Variants in COL25A1 observed in about 807,000 individuals in gnomAD.
COL25A1 encodes the protein collagen type XXV alpha 1 chain.
A neutral mutation model predicts 128.4 loss-of-function variants in COL25A1; 103 were observed. The ratio of observed to expected loss-of-function variants is 0.80; its 90% CI spans 0.68 to 0.94. The LOEUF (loss-of-function observed/expected upper bound fraction) is 0.94. Among genes scored for constraint, COL25A1 ranks in the 40% least tolerant of loss-of-function variants. The pLI is 0.00. For missense variants in COL25A1, 745 were observed against 840.0 expected, an observed-to-expected ratio of 0.89 and a Z score of 1.40; for synonymous variants, 279 against 277.2, an observed-to-expected ratio of 1.01 and a Z score of -0.06.
intron 3 of COL25A1, among the ~76,000 whole-genome samples, chr4:109,157,207 G>A (rs901741032): frequency 1.3e-5 from 2 of 151,934 alleles, no homozygotes; most frequent in African/African-American, 2.4e-5. Flanking sequence ...CAAATAAATT[G>A]AAATAAAAGT....
intron 3 of COL25A1, among the ~76,000 whole-genome samples, chr4:109,054,011 C>G (rs1199492152): frequency 6.6e-6 from 1 of 152,106 alleles, no homozygotes; most frequent in African/African-American, 2.4e-5. Context: ...TAATGGTCAC[C>G]ACTGACACAG....
chr4:108,892,870 C>A (rs1741676570), intron 16 of COL25A1, among the ~76,000 whole-genome samples: 2 of 152,098 alleles, frequency 1.3e-5, no homozygotes, highest in African/African-American at 4.8e-5. Context: ...TTACAGCGGA[C>A]TGAAGAATGA....
chr4:108,927,249 A>G (rs772211510), intron 11 of COL25A1, among the ~76,000 whole-genome samples: 20 of 152,142 alleles, frequency 1.3e-4, no homozygotes, highest in Non-Finnish European at 2.6e-4. Flanking sequence ...TCTTTAGCAC[A>G]TTTCAACTGG....
chr4:109,209,761 G>A (rs955216128), intron 3 of COL25A1, among the ~76,000 whole-genome samples: 1 of 151,982 alleles, frequency 6.6e-6, no homozygotes, highest in African/African-American at 2.4e-5. Flanking sequence ...GCTCTCAAGA[G>A]TAAACCTCAA....
intron 8 of COL25A1, among the ~76,000 whole-genome samples, chr4:108,953,792 T>C (rs565269552): frequency 6.6e-6 from 1 of 152,306 alleles, no homozygotes; most frequent in Middle Eastern, 3.4e-3. Flanking sequence ...TGAAAATACA[T>C]TTGATAGTAG....
chr4:109,203,349 C>A (rs1488072567), intron 3 of COL25A1, among the ~76,000 whole-genome samples: 1 of 152,016 alleles, frequency 6.6e-6, no homozygotes, highest in Non-Finnish European at 1.5e-5. Context: ...GTCAACCAAA[C>A]AAAGACATTT....
At chr4:108,839,661 C>T (rs1734197742) in intron 31 of COL25A1, among the ~76,000 whole-genome samples, 1 of 152,150 alleles carries the variant, frequency 6.6e-6, no homozygotes, top group South Asian at 2.1e-4. Flanking sequence ...TAATTAGGGG[C>T]AAATAACCTA....
chr4:109,065,328 A>T (rs1038862707), intron 3 of COL25A1, among the ~76,000 whole-genome samples: 1 of 152,174 alleles, frequency 6.6e-6, no homozygotes, highest in Non-Finnish European at 1.5e-5. Flanking sequence ...CAGTTGCATC[A>T]CAAGTTGTGA....
intron 8 of COL25A1, among the ~76,000 whole-genome samples, chr4:108,951,434 G>A (rs1428619203): frequency 6.7e-6 from 1 of 148,732 alleles, no homozygotes. Context: ...CATGGAGGCT[G>A]GAGTGCAGTG....
At chr4:108,829,109 T>G (rs186574326) in intron 32 of COL25A1, among the ~76,000 whole-genome samples, 24 of 152,306 alleles carry the variant, frequency 1.6e-4, no homozygotes, top group Middle Eastern at 3.4e-3. Flanking sequence ...AAATGAAACA[T>G]TAAACATTTT....
intron 3 of COL25A1, among the ~76,000 whole-genome samples, chr4:109,228,079 G>C (rs1252488800): frequency 6.6e-6 from 1 of 152,124 alleles, no homozygotes; most frequent in Non-Finnish European, 1.5e-5. Context: ...GTCTGTCTCA[G>C]CTCTCAGAGA....
intron 3 of COL25A1, among the ~76,000 whole-genome samples, chr4:109,248,186 G>T (rs1397264470): frequency 2.0e-5 from 3 of 151,910 alleles, no homozygotes; most frequent in Non-Finnish European, 4.4e-5. Flanking sequence ...TTATTCTCTA[G>T]TCCTTAGCCA....
intron 3 of COL25A1, among the ~76,000 whole-genome samples, chr4:109,208,535 G>A (rs943295249): frequency 6.7e-6 from 1 of 150,370 alleles, no homozygotes; most frequent in Non-Finnish European, 1.5e-5. Flanking sequence ...TTAAAAACAG[G>A]AATTTTTCTC....
At chr4:109,105,272 G>A (rs1482725457) in intron 3 of COL25A1, among the ~76,000 whole-genome samples, 8 of 152,094 alleles carry the variant, frequency 5.3e-5, no homozygotes, top group African/African-American at 1.2e-4. Flanking sequence ...TCAGGAGTTC[G>A]AGACCAGCCT....
At chr4:109,252,271 C>A (rs1226883820) in intron 3 of COL25A1, among the ~76,000 whole-genome samples, 1 of 152,188 alleles carries the variant, frequency 6.6e-6, no homozygotes, top group African/African-American at 2.4e-5. Flanking sequence ...ATCACCCTGG[C>A]GAATGGCGCC....
At chr4:108,980,705 A>C (rs1373740052) in intron 6 of COL25A1, among the ~76,000 whole-genome samples, 1 of 152,058 alleles carries the variant, frequency 6.6e-6, no homozygotes, top group Non-Finnish European at 1.5e-5. Context: ...CCTTTATCAC[A>C]TTTTCTTTCC....
chr4:108,843,415 CCTT>C (rs898242344), intron 30 of COL25A1, among the ~76,000 whole-genome samples: 3 of 152,114 alleles, frequency 2.0e-5, no homozygotes, highest in African/African-American at 7.2e-5. Flanking sequence ...ACACATGTGA[CCTT>C]CTAGACTGCC....
chr4:109,011,549 G>A (rs748445801), intron 5 of COL25A1, among the ~76,000 whole-genome samples: 1 of 152,174 alleles, frequency 6.6e-6, no homozygotes, highest in Admixed American at 6.5e-5. Flanking sequence ...CTTACCAAGT[G>A]CCAGACACTT....
intron 3 of COL25A1, among the ~76,000 whole-genome samples, chr4:109,096,739 G>A (rs966798853): frequency 8.5e-5 from 13 of 152,076 alleles, no homozygotes; most frequent in Admixed American, 7.9e-4. Context: ...TTTTAATTTT[G>A]TATAATAAAT....
Sources: gnomAD v4.1 joint callset for allele counts (sites outside exome capture counted in the v4.1 genomes callset) on GRCh38, gnomAD v4.1.1 for gene constraint, MANE v1.5 for transcripts, NCBI Gene and HGNC (gene_info 2026-07-23, HGNC 2026-07-21) for gene names.